KCNMA1: variants seen among roughly 807,000 people sequenced by gnomAD.
KCNMA1 encodes the protein Calcium-activated potassium channel subunit alpha-1.
In KCNMA1, 29 loss-of-function variants were observed where a neutral mutation model predicts 140.0. The observed-to-expected ratio is 0.21, with a 90% confidence interval of 0.15 to 0.28. The LOEUF is 0.28. Among genes scored for constraint, KCNMA1 ranks in the 10% least tolerant of loss-of-function variants. KCNMA1 has a pLI of 1.00. For missense variants in KCNMA1, 880 were observed against 1,602.2 expected (o/e 0.55, Z 7.70); for synonymous variants, 612 against 611.9 (o/e 1.00, Z 0.00).
At chr10:77,557,896 G>A (rs546845592) in intron 1 of KCNMA1, among the ~76,000 whole-genome samples, 104 of 152,060 alleles carry the variant, frequency 6.8e-4, no homozygotes, top group Non-Finnish European at 1.1e-3. Context: ...GTGATCTGCC[G>A]GCCTCGGGCT....
At chr10:77,210,508 C>G (rs2045699894) in intron 3 of KCNMA1, among the ~76,000 whole-genome samples, 1 of 152,110 alleles carries the variant, frequency 6.6e-6, no homozygotes, top group Non-Finnish European at 1.5e-5. Flanking sequence ...AGGAACAAAG[C>G]AAAGACTCCC....
chr10:77,176,733 A>G (rs2098754352), intron 5 of KCNMA1, among the ~76,000 whole-genome samples: 1 of 152,192 alleles, frequency 6.6e-6, no homozygotes. Context: ...CCTCTTTGGA[A>G]ATAATAATGG....
intron 1 of KCNMA1, among the ~76,000 whole-genome samples, chr10:77,453,012 T>A (rs1420871386): frequency 6.6e-6 from 1 of 152,130 alleles, no homozygotes; most frequent in Non-Finnish European, 1.5e-5. Flanking sequence ...ACGGGGTTGC[T>A]ATAAGGACAG....
intron 2 of KCNMA1, among the ~76,000 whole-genome samples, chr10:77,293,894 G>A (rs932209818): frequency 2.6e-5 from 4 of 152,174 alleles, no homozygotes; most frequent in Admixed American, 6.5e-5. Context: ...AATCTCTGCC[G>A]GGTTTCTGTA....
intron 2 of KCNMA1, among the ~76,000 whole-genome samples, chr10:77,367,971 T>G (rs984637651): frequency 6.6e-6 from 1 of 152,220 alleles, no homozygotes; most frequent in African/African-American, 2.4e-5. Flanking sequence ...TTCCTAGTTT[T>G]GGGTAATTAT....
At chr10:76,991,729 T>C (rs2082828789) in intron 19 of KCNMA1, among the ~76,000 whole-genome samples, 1 of 152,192 alleles carries the variant, frequency 6.6e-6, no homozygotes, top group South Asian at 2.1e-4. Flanking sequence ...GCCAAGGATG[T>C]CAGCATGCTA....
At chr10:77,215,778 G>A (rs751108838) in intron 3 of KCNMA1, among the ~76,000 whole-genome samples, 12 of 152,102 alleles carry the variant, frequency 7.9e-5, no homozygotes, top group Non-Finnish European at 1.8e-4. Flanking sequence ...AGATAATTAG[G>A]TCTAATGAGG....
intron 14 of KCNMA1, among the ~76,000 whole-genome samples, chr10:77,066,662 G>C (rs1031693864): frequency 6.6e-6 from 1 of 152,186 alleles, no homozygotes; most frequent in Non-Finnish European, 1.5e-5. Flanking sequence ...AAGGAAGTGA[G>C]TATAATTGTA....
At chr10:77,099,867 C>A (rs576174439) in intron 9 of KCNMA1, among the ~76,000 whole-genome samples, 1 of 152,292 alleles carries the variant, frequency 6.6e-6, no homozygotes, top group South Asian at 2.1e-4. Context: ...CTGCACCCCT[C>A]TTTTACTGGG....
At chr10:77,118,302 C>G (rs933554534) in intron 6 of KCNMA1, among the ~76,000 whole-genome samples, 1 of 152,164 alleles carries the variant, frequency 6.6e-6, no homozygotes, top group Admixed American at 6.5e-5. Flanking sequence ...TGCACTTTCT[C>G]TGGGACAGAA....
chr10:77,296,086 T>C (rs536913171), intron 2 of KCNMA1, among the ~76,000 whole-genome samples: 1 of 152,214 alleles, frequency 6.6e-6, no homozygotes, highest in African/African-American at 2.4e-5. Flanking sequence ...CCCATGAATA[T>C]GTGACCTTAC....
chr10:77,403,634 A>G (rs2096360617), intron 2 of KCNMA1, among the ~76,000 whole-genome samples: 1 of 152,058 alleles, frequency 6.6e-6, no homozygotes, highest in African/African-American at 2.4e-5. Flanking sequence ...TCTTCCCAAC[A>G]ACCCTTCTCC....
At chr10:76,956,559 G>C (rs1173955426) in intron 20 of KCNMA1, among the ~76,000 whole-genome samples, 1 of 152,162 alleles carries the variant, frequency 6.6e-6, no homozygotes, top group Non-Finnish European at 1.5e-5. Flanking sequence ...TATTGAATCA[G>C]TAAAGCAACC....
intron 5 of KCNMA1, among the ~76,000 whole-genome samples, chr10:77,127,548 G>A (rs764621211): frequency 2.7e-5 from 4 of 146,128 alleles, no homozygotes; most frequent in Non-Finnish European, 4.5e-5. Flanking sequence ...ACTGGATTGA[G>A]TACAGTGATA....
intron 1 of KCNMA1, among the ~76,000 whole-genome samples, chr10:77,456,343 C>G (rs927811453): frequency 2.0e-5 from 3 of 152,152 alleles, no homozygotes; most frequent in African/African-American, 7.2e-5. Flanking sequence ...TGCACAGGAC[C>G]TCCGGAGAGA....
chr10:76,947,846 T>C (rs926880745), intron 22 of KCNMA1, among the ~76,000 whole-genome samples: 2 of 152,214 alleles, frequency 1.3e-5, no homozygotes, highest in African/African-American at 2.4e-5. Context: ...TAGATTCTTG[T>C]GTGTTCTTTA....
Position 76,886,620 on chromosome 10 carries a change from A to G in KCNMA1, c.*646T>C. ...ACTCCCAGAGGGAACTGGCTCTGGGACAAAAGGCCTTGGTGAGTAACTAAA... is the reference window on the plus strand; with the variant it reads ...ACTCCCAGAGGGAACTGGCTCTGGGGCAAAAGGCCTTGGTGAGTAACTAAA... On this transcript the variant is annotated 3_prime_UTR_variant, in exon 28 of 28. Coordinates refer to ENST00000286628, the MANE Select transcript of KCNMA1 (RefSeq NM_001161352.2). 3 of 989,956 alleles carry G rather than the reference A, an allele frequency of 3.0e-6. No individual in the cohort carries two copies. The highest frequency in any genetic ancestry group is 3.6e-6 in the Non-Finnish European group (3 of 832,752). 61.3% of individuals were successfully genotyped at this position (989,956 alleles called of 1,614,324 possible).
chr10:77,330,969 C>T (rs1237265246), intron 2 of KCNMA1, among the ~76,000 whole-genome samples: 1 of 152,044 alleles, frequency 6.6e-6, no homozygotes, highest in African/African-American at 2.4e-5. Context: ...ATAGGAGGGT[C>T]CTATTGTTAT....
intron 1 of KCNMA1, among the ~76,000 whole-genome samples, chr10:77,606,883 C>T (rs1411084594): frequency 6.6e-6 from 1 of 152,192 alleles, no homozygotes; most frequent in Non-Finnish European, 1.5e-5. Context: ...GGGAAGCCAA[C>T]AACCCCAAAA....
Sources: gnomAD v4.1 joint callset for allele counts (sites outside exome capture counted in the v4.1 genomes callset) on GRCh38, gnomAD v4.1.1 for gene constraint, MANE v1.5 for transcripts, NCBI Gene and HGNC (gene_info 2026-07-23, HGNC 2026-07-21) for gene names.